Variants in DENND2A observed in about 807,000 individuals in gnomAD.
The protein encoded by DENND2A is DENN domain containing 2A.
A neutral mutation model predicts 105.3 loss-of-function variants in DENND2A; 53 were observed. The ratio of observed to expected loss-of-function variants is 0.50; its 90% CI spans 0.40 to 0.63. The LOEUF (loss-of-function observed/expected upper bound fraction) is 0.63, where lower values mean the gene tolerates loss of function less well. Among genes scored for constraint, DENND2A ranks in the 30% least tolerant of loss-of-function variants. The pLI is 0.00. For missense variants in DENND2A, 1,138 were observed against 1,279.6 expected (o/e 0.89, Z 1.69); for synonymous variants, 522 against 508.4 (o/e 1.03, Z -0.36).
At chr7:140,569,581 C>A (rs1798004822) in intron 7 of DENND2A, 64 bp downstream of exon 7, 5 of 1,157,354 alleles carry the variant, frequency 4.3e-6, no homozygotes, top group Non-Finnish European at 6.5e-6. Context: ...AAACAGGAAG[C>A]CACTTCTGGA....
At chr7:140,606,634 C>T (rs1799696071) in intron 1 of DENND2A, among the ~76,000 whole-genome samples, 1 of 152,150 alleles carries the variant, frequency 6.6e-6, no homozygotes, top group Admixed American at 6.5e-5. Flanking sequence ...CCATGGGGAG[C>T]CCCTCCCAGC....
At chr7:140,586,490 C>T (rs536244569) in intron 4 of DENND2A, among the ~76,000 whole-genome samples, 7 of 151,626 alleles carry the variant, frequency 4.6e-5, no homozygotes, top group East Asian at 3.9e-4. Context: ...ACCTGGGAGG[C>T]GGAGGCTGCA....
intron 13 of DENND2A, chr7:140,544,997 T>C (rs74715338): frequency 0.033 from 13,517 of 415,414 alleles, 249 homozygotes; most frequent in South Asian, 0.046. Flanking sequence ...CACTCAGCTA[T>C]GAGACTGAGG....
intron 3 of DENND2A, among the ~76,000 whole-genome samples, chr7:140,598,112 C>T (rs1164993727): frequency 1.3e-5 from 2 of 152,130 alleles, no homozygotes; most frequent in East Asian, 1.9e-4. Flanking sequence ...TTCAGTAGTA[C>T]ATTAAAAGAA....
intron 1 of DENND2A, among the ~76,000 whole-genome samples, chr7:140,624,342 G>C (rs995474769): frequency 6.9e-6 from 1 of 145,882 alleles, no homozygotes; most frequent in Non-Finnish European, 1.5e-5. Flanking sequence ...AATTCAAGGA[G>C]GAAAGGCAAA....
At chr7:140,540,603 T>C (rs1796621711) in intron 14 of DENND2A, among the ~76,000 whole-genome samples, 1 of 152,354 alleles carries the variant, frequency 6.6e-6, no homozygotes, top group African/African-American at 2.4e-5. Context: ...ACAGCAGCTC[T>C]GTGGGAGGGG....
rs2130687826 is a variant in DENND2A, at chr7:140,602,247, A to G, written c.151T>C (p.Ser51Pro). The change falls in exon 3 of 20, where the codon TCA becomes CCA. Residue 51 changes from serine (S) to proline (P), a missense_variant. This residue lies in a region of DENND2A where 511 missense variants were observed against 499.9 expected (regional missense o/e 1.02). Transcript: ENST00000496613. ...HKSLNIKDKI[S>P]EWEGKKEVPT... ...ACCTCTTTCTTCCCTTCCCATTCTG[A>G]TATCTTGTCCTTTATGTTGAGGGAC... 2 of 1,613,474 alleles carry G rather than the reference A, an allele frequency of 1.2e-6. No homozygotes were observed. The highest frequency in any genetic ancestry group is 1.7e-6 in the Non-Finnish European group (2 of 1,179,948).
intron 9 of DENND2A, among the ~76,000 whole-genome samples, chr7:140,564,280 CAA>C (rs142073371): frequency 1.2e-3 from 150 of 128,330 alleles, no homozygotes; most frequent in Middle Eastern, 4.0e-3. Flanking sequence ...GAGACTGTGT[CAA>C]AAAAAAAAAA....
rs1433774431 is a variant in DENND2A at position 140,558,171 on chromosome 7, C to T, written c.1931G>A (p.Arg644Lys). ...SFVLTGEDGS[R>K]RFGYCRRLLP... ...CAGTCTTCGGCAGTAACCGAACCTTCTGCTCCCATCTTCTCCAGTTAAGAC... is the reference window on the plus strand; with the variant it reads ...CAGTCTTCGGCAGTAACCGAACCTTTTGCTCCCATCTTCTCCAGTTAAGAC... Residue 644 changes from arginine (R) to lysine (K), a missense_variant, in exon 11 of 20, where the codon AGA (arginine) becomes AAA (lysine). Transcript: ENST00000496613. 6.2e-7 allele frequency: 1 copy of T among 1,613,710 alleles called. No individual in the cohort carries two copies. The highest frequency in any genetic ancestry group is 1.7e-5 in the Admixed American group (1 of 60,008).
intron 12 of DENND2A, among the ~76,000 whole-genome samples, chr7:140,548,895 G>A (rs1797009051): frequency 6.6e-6 from 1 of 151,910 alleles, no homozygotes; most frequent in Non-Finnish European, 1.5e-5. Flanking sequence ...ACAGGCATGA[G>A]CCACTGTGCT....
At chr7:140,549,656 TTTA>T (rs1296045502) in intron 12 of DENND2A, among the ~76,000 whole-genome samples, 2 of 152,232 alleles carry the variant, frequency 1.3e-5, no homozygotes, top group Non-Finnish European at 2.9e-5. Context: ...TTAAATAAAA[TTTA>T]TTATTAAAAT....
chr7:140,566,789 C>T (rs994182334), intron 9 of DENND2A, among the ~76,000 whole-genome samples: 2 of 146,714 alleles, frequency 1.4e-5, no homozygotes, highest in South Asian at 2.1e-4. Flanking sequence ...TGGGTTCAAG[C>T]GATTCTCCTG....
intron 15 of DENND2A, among the ~76,000 whole-genome samples, chr7:140,526,217 A>G (rs1796050750): frequency 6.6e-6 from 1 of 152,154 alleles, no homozygotes; most frequent in Non-Finnish European, 1.5e-5. Flanking sequence ...TCCAGGGGAG[A>G]GGAGGAGAGA....
chr7:140,610,280 T>C (rs1799846107), intron 1 of DENND2A, among the ~76,000 whole-genome samples: 1 of 141,542 alleles, frequency 7.1e-6, no homozygotes, highest in Non-Finnish European at 1.5e-5. Flanking sequence ...CTCACTTAAC[T>C]AGTCTTAAGG....
chr7:140,627,276 A>G (rs188767780), intron 1 of DENND2A, among the ~76,000 whole-genome samples: 649 of 151,882 alleles, frequency 4.3e-3, no homozygotes, highest in Non-Finnish European at 6.7e-3. Context: ...CAGTGGCACA[A>G]TCTTGGCTCA....
chr7:140,592,259 T>G (rs1003371432), intron 3 of DENND2A, among the ~76,000 whole-genome samples: 150 of 148,606 alleles, frequency 1.0e-3, no homozygotes, highest in African/African-American at 3.6e-3. Context: ...CAGACTGGAG[T>G]GCAGTGGTGC....
Position 140,601,842 on chromosome 7 carries a change from A to T in DENND2A, c.556T>A (p.Tyr186Asn). 6.2e-7 allele frequency: 1 copy of T among 1,614,090 alleles called. No homozygotes were observed. The highest frequency in any genetic ancestry group is 8.5e-7 in the Non-Finnish European group (1 of 1,180,002). Reference sequence around the variant, plus strand: ...TTGTCAGGAGGGCAGTGTGGGGAGTAACAAGTCCCTGGTAACTGGGGATCC... The same window carrying T: ...TTGTCAGGAGGGCAGTGTGGGGAGTTACAAGTCCCTGGTAACTGGGGATCC... ...GLDPQLPGTCYSPHCPPDKAE... is the reference protein window; with the variant it reads ...GLDPQLPGTCNSPHCPPDKAE... The change falls in exon 3 of 20, where the codon TAC (tyrosine) becomes AAC (asparagine). Residue 186 changes from tyrosine (Y) to asparagine (N), a missense_variant. By Grantham distance (143) the Tyr-to-Asn change is moderately radical. Coordinates refer to ENST00000496613, the MANE Select transcript of DENND2A (RefSeq NM_015689.5).
intron 9 of DENND2A, among the ~76,000 whole-genome samples, chr7:140,561,355 T>C (rs1202807752): frequency 6.6e-6 from 1 of 152,178 alleles, no homozygotes; most frequent in South Asian, 2.1e-4. Context: ...ATTTCCTTTA[T>C]AAAAAGTTAA....
chr7:140,557,279 C>T (rs1306250919), intron 11 of DENND2A, among the ~76,000 whole-genome samples: 3 of 151,216 alleles, frequency 2.0e-5, no homozygotes, highest in Non-Finnish European at 4.4e-5. Context: ...GTGGTACATG[C>T]CTGTGGTCCC....
Sources: allele counts gnomAD v4.1 joint callset (sites outside exome capture counted in the v4.1 genomes callset), GRCh38; gene constraint gnomAD v4.1.1; regional missense constraint gnomAD v4.1.1; transcripts MANE v1.5; gene names NCBI Gene and HGNC (gene_info 2026-07-23, HGNC 2026-07-21).